The following PTPRD variants were observed in gnomAD, a reference collection of about 807,000 sequenced individuals.
The protein encoded by PTPRD is receptor-type tyrosine-protein phosphatase delta.
A neutral mutation model predicts 214.5 loss-of-function variants in PTPRD; 34 were observed. The observed-to-expected ratio is 0.16, with a 90% CI of 0.12 to 0.21. The LOEUF (loss-of-function observed/expected upper bound fraction) is 0.21. PTPRD is among the 10% of genes least tolerant of loss of function. PTPRD has a pLI of 1.00. For missense variants in PTPRD, 2,545 were observed against 2,398.7 expected, an observed-to-expected ratio of 1.06 and a Z score of -1.27; for synonymous variants, 1,128 against 845.7, an observed-to-expected ratio of 1.33 and a Z score of -5.79.
rs150512876 is a variant in PTPRD at position 9,070,298 on chromosome 9, C to T, written c.-142-51563G>A. On this transcript the variant is annotated intron_variant, in intron 10 of 45. Coordinates refer to ENST00000381196, the MANE Select transcript of PTPRD (RefSeq NM_002839.4). ...TTCACAAAGCCAGTTTTACATAAGG[C>T]GTCTTGTAATTCTACAAGAAATATG... is the stretch of plus-strand genomic sequence containing the variant. Among the ~76,000 whole-genome samples the T allele has an allele frequency of 2.6e-4, 40 of 152,166 alleles. No homozygotes were observed. In the East Asian group the frequency reaches 6.6e-3, roughly 25 times the overall value.
At chr9:9,303,101 A>AC (rs1298059467) in intron 9 of PTPRD, among the ~76,000 whole-genome samples, 1 of 151,882 alleles carries the variant, frequency 6.6e-6, no homozygotes, top group Non-Finnish European at 1.5e-5. Flanking sequence ...CACAAAAATT[A>AC]CCCCCCAAAT....
In PTPRD at chr9:10,266,767, A is replaced by G. The variant is rs774904410; in HGVS notation, c.-545+74196T>C. Reference sequence around the variant, plus strand: ...TAGAAAAAAAAAATCTATAACCTAGATAAGTTACTGTTGCAACCCACCTAG... The same window carrying G: ...TAGAAAAAAAAAATCTATAACCTAGGTAAGTTACTGTTGCAACCCACCTAG... On this transcript the variant is annotated intron_variant, in intron 3 of 45. Coordinates refer to ENST00000381196, the MANE Select transcript of PTPRD (RefSeq NM_002839.4). Among the ~76,000 whole-genome samples the G allele has an allele frequency of 9.2e-5, 14 of 152,316 alleles. No individual in the cohort carries two copies. In the Middle Eastern group the frequency reaches 0.024, roughly 259 times the overall value.
chr9:8,776,090 T>C (rs541625147), intron 11 of PTPRD, among the ~76,000 whole-genome samples: 1 of 152,276 alleles, frequency 6.6e-6, no homozygotes, highest in Non-Finnish European at 1.5e-5. Context: ...ATAACAAATG[T>C]TCCCAGAGAC....
intron 4 of PTPRD, among the ~76,000 whole-genome samples, chr9:9,991,095 C>T (rs1440949695): frequency 4.6e-5 from 7 of 151,358 alleles, no homozygotes; most frequent in Non-Finnish European, 8.8e-5. Flanking sequence ...CCACCACACT[C>T]GGCTAATTTT....
chr9:9,604,582 C>A (rs1038325864), intron 7 of PTPRD, among the ~76,000 whole-genome samples: 18 of 151,956 alleles, frequency 1.2e-4, no homozygotes, highest in African/African-American at 4.3e-4. Context: ...ACAAAGTGTT[C>A]TTTGAACTTG....
intron 3 of PTPRD, among the ~76,000 whole-genome samples, chr9:10,305,641 CATTT>C (rs779191613): frequency 9.9e-5 from 15 of 152,156 alleles, no homozygotes; most frequent in Non-Finnish European, 1.9e-4. Flanking sequence ...GAAAAGAAGA[CATTT>C]ATGCAGCCAA....
chr9:8,351,714 T>G (rs3847290), intron 39 of PTPRD, among the ~76,000 whole-genome samples: 67,831 of 137,142 alleles, frequency 0.49, 19,223 homozygotes, highest in Non-Finnish European at 0.64. Flanking sequence ...TAGGAGTCAT[T>G]GTAGAGAGGA....
At chr9:8,804,889 C>A (rs1470467191) in intron 11 of PTPRD, among the ~76,000 whole-genome samples, 1 of 152,148 alleles carries the variant, frequency 6.6e-6, no homozygotes, top group African/African-American at 2.4e-5. Context: ...TGTTTTAACA[C>A]CTCCCAGATC....
At chr9:8,931,764 G>A (rs1244686910) in intron 11 of PTPRD, among the ~76,000 whole-genome samples, 3 of 152,064 alleles carry the variant, frequency 2.0e-5, no homozygotes, top group African/African-American at 7.2e-5. Context: ...TGTACCTCTG[G>A]TAAAATTCGG....
At chr9:9,669,058 T>C (rs1241540140) in intron 7 of PTPRD, among the ~76,000 whole-genome samples, 1 of 152,174 alleles carries the variant, frequency 6.6e-6, no homozygotes, top group South Asian at 2.1e-4. Context: ...AAATAATCTC[T>C]TTATTCTAAA....
At chr9:9,837,981 A>T (rs144715549) in intron 5 of PTPRD, among the ~76,000 whole-genome samples, 203 of 151,706 alleles carry the variant, frequency 1.3e-3, no homozygotes, top group African/African-American at 4.8e-3. Context: ...ATGTGTTCTC[A>T]TTGCTCAATT....
At chr9:10,243,907 G>C (rs536199767) in intron 3 of PTPRD, among the ~76,000 whole-genome samples, 1 of 151,750 alleles carries the variant, frequency 6.6e-6, no homozygotes. Context: ...TCCCTGCACC[G>C]AACTGCTAGA....
intron 2 of PTPRD, among the ~76,000 whole-genome samples, chr9:10,531,879 G>T (rs1002891081): frequency 6.6e-6 from 1 of 152,176 alleles, no homozygotes; most frequent in African/African-American, 2.4e-5. Context: ...TATAGTTATT[G>T]TAAAGTGGAC....
intron 11 of PTPRD, among the ~76,000 whole-genome samples, chr9:8,824,925 G>C (rs1457964313): frequency 6.6e-6 from 1 of 152,060 alleles, no homozygotes; most frequent in Admixed American, 6.6e-5. Context: ...ATAAATTATG[G>C]TAAGACTGAT....
intron 9 of PTPRD, among the ~76,000 whole-genome samples, chr9:9,291,559 T>C (rs554313986): frequency 3.2e-4 from 48 of 151,388 alleles, no homozygotes; most frequent in Admixed American, 2.4e-3. Flanking sequence ...CCTGATTTTG[T>C]AATATGTGAT....
intron 11 of PTPRD, among the ~76,000 whole-genome samples, chr9:8,902,467 C>A (rs2098677775): frequency 6.6e-6 from 1 of 151,690 alleles, no homozygotes; most frequent in South Asian, 2.1e-4. Context: ...CTCAGCCTGC[C>A]AAGTAGCTAG....
intron 2 of PTPRD, among the ~76,000 whole-genome samples, chr9:10,530,362 AAAGT>A (rs1379731056): frequency 2.4e-4 from 37 of 152,202 alleles, no homozygotes; most frequent in African/African-American, 8.9e-4. Flanking sequence ...AATTTACGAA[AAAGT>A]AAGAAATGCA....
Position 10,473,120 on chromosome 9 carries a change from C to T in PTPRD, c.-599-132103G>A, listed in dbSNP as rs983238629. 7.9e-5 allele frequency among the ~76,000 whole-genome samples: 12 copies of T among 151,894 alleles called. 1 individual carries two copies. The highest frequency in any genetic ancestry group is 6.8e-3 in the Middle Eastern group (2 of 294). ...ATTATTTTAAGCACTTAAAATTGGC[C>T]GACATAGAAATTTGGTGTTCTTGTG... On this transcript the variant is annotated intron_variant, in intron 2 of 45. Coordinates refer to ENST00000381196, the MANE Select transcript of PTPRD (RefSeq NM_002839.4).
At chr9:8,571,152 A>G (rs1383045315) in intron 14 of PTPRD, among the ~76,000 whole-genome samples, 1 of 152,096 alleles carries the variant, frequency 6.6e-6, no homozygotes, top group Non-Finnish European at 1.5e-5. Context: ...GTTTATCACC[A>G]GAGTTGAACA....
Sources: gnomAD v4.1 joint callset for allele counts (sites outside exome capture counted in the v4.1 genomes callset) on GRCh38, gnomAD v4.1.1 for gene constraint, MANE v1.5 for transcripts, NCBI Gene and HGNC (gene_info 2026-07-23, HGNC 2026-07-21) for gene names.